PTPN9: variants seen among roughly 807,000 people sequenced by gnomAD.
PTPN9 encodes the protein protein tyrosine phosphatase non-receptor type 9, also known as tyrosine-protein phosphatase non-receptor type 9.
Under a neutral mutation model 69.8 loss-of-function variants are expected in PTPN9, and 26 were observed. The ratio of observed to expected loss-of-function variants is 0.37; its 90% CI spans 0.27 to 0.52. PTPN9 has a LOEUF of 0.52. PTPN9 is among the 20% of genes least tolerant of loss of function. The pLI is 0.91. For synonymous variants in PTPN9, 274 were observed against 272.5 expected (o/e 1.01, Z -0.05); for missense variants, 549 against 740.3 (o/e 0.74, Z 3.00).
intron 1 of PTPN9, among the ~76,000 whole-genome samples, chr15:75,568,507 C>CA (rs1206871976): frequency 6.9e-3 from 388 of 55,966 alleles, no homozygotes; most frequent in East Asian, 0.014. Flanking sequence ...GACCTTGTCT[C>CA]AAAAAAAAAA....
rs763868150 is a variant in PTPN9 at position 75,517,214 on chromosome 15, T to C, written c.528+45A>G. The C allele has an allele frequency of 2.2e-6, 3 of 1,362,364 alleles. No homozygotes were observed. In the South Asian group the frequency reaches 3.8e-5, roughly 17 times the overall value. The allele number at this position is 1,362,364 out of a possible 1,614,324, so 84.4% of individuals were successfully genotyped here. On this transcript the variant is annotated intron_variant, in intron 5 of 12. Transcript: ENST00000618819. The stretch of plus-strand genomic sequence containing the variant: ...CCAAAGAATTAAAAAAATATATATA[T>C]CCCAAGCATTGAAGGAAACTTGAGA...
chr15:75,549,704 A>G (rs1361377935), intron 1 of PTPN9, among the ~76,000 whole-genome samples: 2 of 152,172 alleles, frequency 1.3e-5, no homozygotes, highest in African/African-American at 4.8e-5. Context: ...GGATAACAAG[A>G]AGGGTTTTGT....
In PTPN9 at chr15:75,508,039, C is replaced by CAAA. The variant is rs990909256; in HGVS notation, c.639+875_639+877dup. Among the ~76,000 whole-genome samples the CAAA allele has an allele frequency of 1.9e-3, 70 of 37,366 alleles. 2 individuals are homozygous for CAAA. The highest frequency in any genetic ancestry group is 6.0e-3 in the African/African-American group (53 of 8,838). 24.5% of individuals were successfully genotyped at this position (37,366 alleles called of 152,430 possible). ...CCTAGGCAACAGAGTGAGACACTCT[C>CAAA]AAAAAAAAAAAAAAAAAAAAAAAAA... is the stretch of plus-strand genomic sequence containing the variant. On this transcript the variant is annotated intron_variant, in intron 6 of 12. Transcript: ENST00000618819.
chr15:75,463,494 C>T lies in PTPN9; in HGVS notation c.*5275G>A, dbSNP rs558907240. ...GGGCACTGTACCGTTTTTTCCAACA[C>T]CCCCAGCTAGGATTCTAGTGGAGTT... On this transcript the variant is annotated 3_prime_UTR_variant, in exon 13 of 13. Transcript: ENST00000618819. The T allele has an allele frequency of 6.6e-6, 1 of 152,080 alleles. No homozygotes were observed. The highest frequency in any genetic ancestry group is 1.5e-5 in the Non-Finnish European group (1 of 68,026). 9.4% of individuals were successfully genotyped at this position (152,080 alleles called of 1,614,324 possible).
Position 75,473,829 on chromosome 15 carries a change from C to T in PTPN9, c.1130-62G>A, listed in dbSNP as rs867546764. The T allele has an allele frequency of 3.7e-5, 51 of 1,361,738 alleles. 1 individual carries two copies. The highest frequency in any genetic ancestry group is 3.8e-4 in the Middle Eastern group (2 of 5,278). 84.4% of individuals were successfully genotyped at this position (1,361,738 alleles called of 1,614,324 possible). On this transcript the variant is annotated intron_variant, in intron 9 of 12. Coordinates refer to ENST00000618819, the MANE Select transcript of PTPN9 (RefSeq NM_002833.4). ...GGAAACACTTTTTTTCTTTTGTAGG[C>T]GCTTCTGTTTTACTCCCCAATGGTA... is the stretch of plus-strand genomic sequence containing the variant.
chr15:75,536,718 T>A (rs2074983745), intron 1 of PTPN9, among the ~76,000 whole-genome samples: 1 of 152,084 alleles, frequency 6.6e-6, no homozygotes, highest in South Asian at 2.1e-4. Context: ...CCAGACATGA[T>A]CCTATAAACA....
In PTPN9 at chr15:75,578,785, CA is replaced by C. The variant is rs2075185931; in HGVS notation, c.-10del. The C allele has an allele frequency of 1.6e-6, 2 of 1,238,880 alleles. No homozygotes were observed. Among genetic ancestry groups the C allele is most frequent in the Middle Eastern group, 3.2e-4 (1 of 3,168 alleles). The allele number at this position is 1,238,880 out of a possible 1,614,324, so 76.7% of individuals were successfully genotyped here. A position where few individuals can be genotyped will look rare whatever the true frequency, so the allele number is the denominator to read the frequency against. ...GCGGTCGCGGGCTCCATCCCCCCGC[CA>C]CCGCCGCCGGGCGGACAAAACTCGC... On this transcript the variant is annotated 5_prime_UTR_variant, in exon 1 of 13. Coordinates refer to ENST00000618819, the MANE Select transcript of PTPN9 (RefSeq NM_002833.4).
intron 1 of PTPN9, among the ~76,000 whole-genome samples, chr15:75,561,843 G>A (rs2075105249): frequency 6.6e-6 from 1 of 151,974 alleles, no homozygotes; most frequent in African/African-American, 2.4e-5. Context: ...CCAAGTAGCT[G>A]GGATTACAGG....
At chr15:75,559,108 C>T (rs1347225600) in intron 1 of PTPN9, among the ~76,000 whole-genome samples, 1 of 151,684 alleles carries the variant, frequency 6.6e-6, no homozygotes, top group Non-Finnish European at 1.5e-5. Flanking sequence ...AGCCGCCCAT[C>T]GTCTGAGATG....
chr15:75,487,611 G>A (rs1207730847), intron 8 of PTPN9: 1 of 152,200 alleles, frequency 6.6e-6, no homozygotes, highest in Non-Finnish European at 1.5e-5. Flanking sequence ...TCTGACTCCA[G>A]AGCCCCAACT....
intron 1 of PTPN9, among the ~76,000 whole-genome samples, chr15:75,529,023 G>A (rs2074943317): frequency 6.6e-6 from 1 of 151,622 alleles, no homozygotes. Flanking sequence ...GTCTCACTCT[G>A]TCACCCAGGC....
intron 9 of PTPN9, among the ~76,000 whole-genome samples, chr15:75,477,503 G>A (rs1249183127): frequency 6.6e-6 from 1 of 152,192 alleles, no homozygotes; most frequent in Non-Finnish European, 1.5e-5. Flanking sequence ...GCTGAGGCAG[G>A]AGACTCGCTT....
intron 7 of PTPN9, among the ~76,000 whole-genome samples, chr15:75,500,798 A>T (rs887398069): frequency 5.3e-5 from 8 of 151,932 alleles, no homozygotes; most frequent in South Asian, 4.2e-4. Context: ...AGGCAGGAGG[A>T]TCAATTGAGC....
intron 1 of PTPN9, among the ~76,000 whole-genome samples, chr15:75,551,162 T>C (rs1167750999): frequency 1.3e-5 from 2 of 152,212 alleles, no homozygotes; most frequent in African/African-American, 2.4e-5. Context: ...CTTGAATTCC[T>C]GAGATCAAGG....
chr15:75,536,141 A>G (rs1442454081), intron 1 of PTPN9, among the ~76,000 whole-genome samples: 1 of 152,232 alleles, frequency 6.6e-6, no homozygotes, highest in Admixed American at 6.5e-5. Flanking sequence ...AAGGCCAGTC[A>G]TAATCTGTGC....
intron 5 of PTPN9, among the ~76,000 whole-genome samples, chr15:75,514,092 C>T (rs1166407139): frequency 1.6e-5 from 2 of 128,188 alleles, no homozygotes; most frequent in Non-Finnish European, 3.2e-5. Flanking sequence ...GAGTGAAACA[C>T]TCTGTCTCAA....
chr15:75,518,156 A>G (rs1044063911), intron 4 of PTPN9, among the ~76,000 whole-genome samples: 1 of 152,066 alleles, frequency 6.6e-6, no homozygotes, highest in African/African-American at 2.4e-5. Flanking sequence ...TGGATAGCTT[A>G]AGCCCAGGAA....
chr15:75,560,429 A>G (rs111275978), intron 1 of PTPN9, among the ~76,000 whole-genome samples: 9 of 152,180 alleles, frequency 5.9e-5, no homozygotes, highest in Admixed American at 5.9e-4. Flanking sequence ...GAGCCTCCTT[A>G]GTGAGGCAAA....
At chr15:75,484,710 A>C (rs894400695) in intron 8 of PTPN9, among the ~76,000 whole-genome samples, 16 of 152,208 alleles carry the variant, frequency 1.1e-4, no homozygotes, top group African/African-American at 3.6e-4. Context: ...CAGAAGGACA[A>C]AAGAAAAGTT....
Sources: allele counts gnomAD v4.1 joint callset (sites outside exome capture counted in the v4.1 genomes callset), GRCh38; gene constraint gnomAD v4.1.1; transcripts MANE v1.5; gene names NCBI Gene and HGNC (gene_info 2026-07-23, HGNC 2026-07-21).